The following SPON1 variants were observed in gnomAD, a reference collection of about 807,000 sequenced individuals.
The protein encoded by SPON1 is spondin-1.
A neutral mutation model predicts 111.7 loss-of-function variants in SPON1; 52 were observed. The ratio of observed to expected loss-of-function variants is 0.47; its 90% CI spans 0.37 to 0.59. The LOEUF (loss-of-function observed/expected upper bound fraction) is 0.59. SPON1 is among the 20% of genes least tolerant of loss of function. The pLI is 0.00. For missense variants in SPON1, 957 were observed against 1,068.5 expected, an observed-to-expected ratio of 0.90 and a Z score of 1.46; for synonymous variants, 410 against 395.8, an observed-to-expected ratio of 1.04 and a Z score of -0.43.
chr11:14,252,952 T>G (rs927418776), intron 7 of SPON1, among the ~76,000 whole-genome samples: 1 of 152,278 alleles, frequency 6.6e-6, no homozygotes, highest in African/African-American at 2.4e-5. Context: ...TTGCTGATGC[T>G]GCTGGTCCAA....
At chr11:14,131,326 A>G (rs558992519) in intron 5 of SPON1, among the ~76,000 whole-genome samples, 1 of 152,240 alleles carries the variant, frequency 6.6e-6, no homozygotes, top group African/African-American at 2.4e-5. Context: ...GTTTCTTCGT[A>G]TGTAACATGA....
chr11:14,243,164 T>G (rs549065105), intron 6 of SPON1, among the ~76,000 whole-genome samples, 168 bp from the exon 7 acceptor site: 13 of 152,298 alleles, frequency 8.5e-5, no homozygotes, highest in African/African-American at 2.4e-4. Context: ...CCGGTATCAC[T>G]GAGGCCCCAG....
chr11:13,980,272 C>A (rs192930592), intron 1 of SPON1, among the ~76,000 whole-genome samples: 2 of 152,256 alleles, frequency 1.3e-5, no homozygotes, highest in East Asian at 3.9e-4. Flanking sequence ...GAACCCTGGC[C>A]TCAAGTGATC....
chr11:13,972,830 A>G (rs529773311), intron 1 of SPON1, among the ~76,000 whole-genome samples: 1 of 152,194 alleles, frequency 6.6e-6, no homozygotes, highest in Non-Finnish European at 1.5e-5. Context: ...AACAAAGTCA[A>G]CCTAACTAAA....
intron 6 of SPON1, among the ~76,000 whole-genome samples, chr11:14,212,305 T>C (rs1554936820): frequency 1.3e-5 from 2 of 152,204 alleles, no homozygotes; most frequent in African/African-American, 4.8e-5. Flanking sequence ...ATATTCTGAA[T>C]TTTTAAAAAA....
intron 1 of SPON1, among the ~76,000 whole-genome samples, chr11:13,973,004 C>A (rs1323341148): frequency 6.6e-5 from 10 of 152,150 alleles, no homozygotes; most frequent in Admixed American, 6.5e-4. Flanking sequence ...TCGCTTCTAC[C>A]TTCTCTGTCT....
chr11:13,999,663 T>G (rs1554912241), intron 2 of SPON1, among the ~76,000 whole-genome samples: 1 of 152,156 alleles, frequency 6.6e-6, no homozygotes, highest in Non-Finnish European at 1.5e-5. Flanking sequence ...CACCTCAGCC[T>G]CCCAAAGTGC....
intron 3 of SPON1, among the ~76,000 whole-genome samples, chr11:14,070,311 A>G (rs1848865340): frequency 6.6e-6 from 1 of 152,194 alleles, no homozygotes; most frequent in Non-Finnish European, 1.5e-5. Flanking sequence ...AATTGGGAAG[A>G]AGGCTGGCAA....
At chr11:13,963,421 T>G (rs1463998715) in intron 1 of SPON1, among the ~76,000 whole-genome samples, 1 of 152,142 alleles carries the variant, frequency 6.6e-6, no homozygotes, top group Admixed American at 6.5e-5. Context: ...GAGCCACACG[T>G]CACGCCGGCC....
chr11:13,963,228 G>T (rs1289692012), intron 1 of SPON1, 86 bp downstream of exon 1: 7 of 1,077,422 alleles, frequency 6.5e-6, no homozygotes, highest in Non-Finnish European at 8.9e-6. Flanking sequence ...GAGGGCGCGC[G>T]GTCTCCGGGC....
chr11:14,168,743 C>T (rs1414335634), intron 6 of SPON1, among the ~76,000 whole-genome samples: 6 of 146,308 alleles, frequency 4.1e-5, no homozygotes, highest in South Asian at 2.2e-4. Context: ...TGAGTGAGAA[C>T]ATGTGGTGTT....
intron 2 of SPON1, among the ~76,000 whole-genome samples, chr11:14,040,123 C>A (rs1848621802): frequency 6.6e-6 from 1 of 152,078 alleles, no homozygotes; most frequent in Non-Finnish European, 1.5e-5. Flanking sequence ...TATGACTATA[C>A]CCACAACTTA....
At chr11:14,174,967 T>C (rs113637652) in intron 6 of SPON1, among the ~76,000 whole-genome samples, 1 of 136,210 alleles carries the variant, frequency 7.3e-6, no homozygotes, top group African/African-American at 2.8e-5. Context: ...TCTTTTTTTA[T>C]AGGAGTTAGA....
chr11:14,088,508 T>C (rs1849024625), intron 5 of SPON1, among the ~76,000 whole-genome samples: 1 of 152,190 alleles, frequency 6.6e-6, no homozygotes, highest in South Asian at 2.1e-4. Flanking sequence ...CTGCTGTTAG[T>C]CTTATGGGCT....
chr11:14,250,961 C>T (rs1475808999), intron 7 of SPON1, among the ~76,000 whole-genome samples: 1 of 152,214 alleles, frequency 6.6e-6, no homozygotes, highest in African/African-American at 2.4e-5. Context: ...ATGCCAAGTT[C>T]TAAGCCAGAC....
intron 3 of SPON1, among the ~76,000 whole-genome samples, chr11:14,051,781 A>G (rs1461912101): frequency 3.3e-5 from 5 of 152,242 alleles, no homozygotes; most frequent in African/African-American, 1.2e-4. Flanking sequence ...ACAGTGCCCA[A>G]TACATTGATT....
intron 2 of SPON1, among the ~76,000 whole-genome samples, chr11:14,003,539 GC>G (rs1368157228): frequency 1.3e-5 from 2 of 152,084 alleles, no homozygotes; most frequent in Non-Finnish European, 2.9e-5. Flanking sequence ...TTGGGATTAA[GC>G]CTGCTGGGAA....
intron 6 of SPON1, among the ~76,000 whole-genome samples, chr11:14,164,690 C>T (rs1157436961): frequency 6.6e-6 from 1 of 152,172 alleles, no homozygotes; most frequent in Non-Finnish European, 1.5e-5. Context: ...GTAATTTATG[C>T]AGAGTTGGCC....
At chr11:14,052,551 A>G (rs1848715793) in intron 3 of SPON1, among the ~76,000 whole-genome samples, 1 of 152,232 alleles carries the variant, frequency 6.6e-6, no homozygotes, top group Admixed American at 6.5e-5. Context: ...CAGAAAAGGG[A>G]CTAGGAAACC....
Sources: allele counts gnomAD v4.1 joint callset (sites outside exome capture counted in the v4.1 genomes callset), GRCh38; gene constraint gnomAD v4.1.1; transcripts MANE v1.5; gene names NCBI Gene and HGNC (gene_info 2026-07-23, HGNC 2026-07-21).